PRSS12: variants seen among roughly 807,000 people sequenced by gnomAD.
The protein encoded by PRSS12 is neurotrypsin.
In PRSS12, 85 loss-of-function variants were observed where a neutral mutation model predicts 104.4. That is an observed-to-expected ratio of 0.81 (90% CI 0.68 to 0.98). The LOEUF (loss-of-function observed/expected upper bound fraction) is 0.98. Ranked by LOEUF, PRSS12 falls within the 50% of genes least tolerant of loss-of-function variation. The pLI, the probability that PRSS12 is intolerant of heterozygous loss-of-function variation, is 0.00. For missense variants in PRSS12, 1,141 were observed against 1,139.2 expected, an observed-to-expected ratio of 1.00 and a Z score of -0.02; for synonymous variants, 454 against 425.2, an observed-to-expected ratio of 1.07 and a Z score of -0.83.
rs577646258 is a variant in PRSS12 at position 118,287,307 on chromosome 4, A to G, written c.2040-4196T>C. ...ACCACAAGTGCATGCCACCATGCTC[A>G]CTAATTTTCAAAAATTATTTTTTGT... is the stretch of plus-strand genomic sequence containing the variant. On this transcript the variant is annotated intron_variant, in intron 11 of 12. Coordinates refer to ENST00000296498, the MANE Select transcript of PRSS12 (RefSeq NM_003619.4). Among the ~76,000 whole-genome samples, 5 of 152,234 alleles carry G rather than the reference A, an allele frequency of 3.3e-5. No individual in the cohort carries two copies. In the East Asian group the frequency reaches 9.7e-4, roughly 29 times the overall value.
At chr4:118,307,204 A>T (rs977318378) in intron 8 of PRSS12, among the ~76,000 whole-genome samples, 15 of 152,130 alleles carry the variant, frequency 9.9e-5, no homozygotes, top group Non-Finnish European at 2.1e-4. Context: ...AAAATTGAAA[A>T]TTTATATCAC....
chr4:118,285,358 TC>T (rs1742990030), intron 11 of PRSS12, among the ~76,000 whole-genome samples: 1 of 152,222 alleles, frequency 6.6e-6, no homozygotes, highest in African/African-American at 2.4e-5. Context: ...ACTTCTACTT[TC>T]TGTGTGCTAG....
intron 8 of PRSS12, 69 bp from the exon 9 acceptor site, chr4:118,299,007 T>C: frequency 6.7e-7 from 1 of 1,481,696 alleles, no homozygotes. Flanking sequence ...TCACAACATG[T>C]ATTCAATTTT....
chr4:118,350,985 CTTTG>C (rs1459947001), intron 1 of PRSS12, among the ~76,000 whole-genome samples: 3 of 152,166 alleles, frequency 2.0e-5, no homozygotes, highest in South Asian at 2.1e-4. Flanking sequence ...TGCTAGCACT[CTTTG>C]TTTGACATCA....
chr4:118,293,574 A>T (rs961156852), intron 11 of PRSS12, among the ~76,000 whole-genome samples: 3 of 152,334 alleles, frequency 2.0e-5, no homozygotes, highest in Non-Finnish European at 4.4e-5. Context: ...CCAAAAATTT[A>T]AAAAATCAAT....
At chr4:118,348,617 T>C (rs1051206191) in intron 1 of PRSS12, among the ~76,000 whole-genome samples, 1 of 151,860 alleles carries the variant, frequency 6.6e-6, no homozygotes, top group South Asian at 2.1e-4. Context: ...ACCAGCTCCC[T>C]GGGCTGATTC....
chr4:118,332,724 G>T (rs1330138142), intron 3 of PRSS12, among the ~76,000 whole-genome samples: 1 of 152,098 alleles, frequency 6.6e-6, no homozygotes, highest in Non-Finnish European at 1.5e-5. Flanking sequence ...GTATACAGAG[G>T]CATATAATAA....
chr4:118,313,529 T>A lies in PRSS12; in HGVS notation c.1293-132A>T, dbSNP rs192149220. 692 of 969,438 alleles carry A rather than the reference T, an allele frequency of 7.1e-4. 16 individuals are homozygous for A. In the Admixed American group the frequency reaches 0.013, roughly 18 times the overall value. The allele number at this position is 969,438 out of a possible 1,614,324, so 60.1% of individuals were successfully genotyped here. A position where few individuals can be genotyped will look rare whatever the true frequency, so the allele number is the denominator to read the frequency against. ...ATAAGTATCTGTTCTTTCTCCTACC[T>A]TGGGGACGCAGTTTAGAGCTATGTT... On this transcript the variant is annotated intron_variant, in intron 6 of 12. Coordinates refer to ENST00000296498, the MANE Select transcript of PRSS12 (RefSeq NM_003619.4).
chr4:118,344,325 AC>A (rs1724296642), intron 1 of PRSS12, among the ~76,000 whole-genome samples: 1 of 152,132 alleles, frequency 6.6e-6, no homozygotes, highest in African/African-American at 2.4e-5. Context: ...CCTGAAAACA[AC>A]TGAATTGGGG....
chr4:118,325,073 C>T (rs1422978258), intron 4 of PRSS12, among the ~76,000 whole-genome samples: 1 of 152,026 alleles, frequency 6.6e-6, no homozygotes, highest in Admixed American at 6.6e-5. Context: ...TTATCTAATC[C>T]ACCATTGATG....
chr4:118,290,820 C>T (rs572802358), intron 11 of PRSS12, among the ~76,000 whole-genome samples: 1 of 152,156 alleles, frequency 6.6e-6, no homozygotes, highest in Non-Finnish European at 1.5e-5. Flanking sequence ...TGATTTCTAA[C>T]AGTCTCTCTA....
intron 5 of PRSS12, among the ~76,000 whole-genome samples, chr4:118,317,609 A>G (rs1723479521): frequency 6.6e-6 from 1 of 152,180 alleles, no homozygotes; most frequent in South Asian, 2.1e-4. Flanking sequence ...GCGTAAATAC[A>G]TTTCTATGGT....
chr4:118,284,771 A>G (rs1427759415), intron 11 of PRSS12, among the ~76,000 whole-genome samples: 2 of 152,150 alleles, frequency 1.3e-5, no homozygotes, highest in Non-Finnish European at 2.9e-5. Flanking sequence ...TTACCTGCCA[A>G]AACTCCAGCC....
intron 12 of PRSS12, 121 bp downstream of exon 12, chr4:118,282,710 T>C: frequency 7.1e-7 from 1 of 1,414,824 alleles, no homozygotes; most frequent in Non-Finnish European, 9.9e-7. Flanking sequence ...CATTTCACAC[T>C]AAGCAAAATT....
Position 118,335,485 on chromosome 4 carries a change from T to C in PRSS12, c.808A>G (p.Ser270Gly). 1 of 1,613,976 alleles carries C rather than the reference T, an allele frequency of 6.2e-7. No homozygotes were observed. The highest frequency in any genetic ancestry group is 8.5e-7 in the Non-Finnish European group (1 of 1,179,934). The change falls in exon 3 of 13, where the codon AGC (serine) becomes GGC (glycine). Residue 270 changes from serine (S) to glycine (G), a missense_variant. Transcript: ENST00000296498. ...PQKMAAAVTC[S>G]FSHGPTFPII... The stretch of plus-strand genomic sequence containing the variant: ...TTCTTTTTTTTACCATGGGAAAAGC[T>C]ACACGTGACAGCAGCTGCCATCTTC...
rs777754826 is a variant in PRSS12, at chr4:118,316,281, C to A, written c.1193G>T (p.Gly398Val). 1 of 1,614,064 alleles carries A rather than the reference C, an allele frequency of 6.2e-7. No homozygotes were observed. The change falls in exon 6 of 13, where the codon GGT (glycine) becomes GTT (valine). Residue 398 changes from glycine to valine, a missense_variant. By Grantham distance (109) the Gly-to-Val change is moderately radical. Coordinates refer to ENST00000296498, the MANE Select transcript of PRSS12 (RefSeq NM_003619.4). ...GCCTCTGTAATATACCTCCAAGCGA[C>A]CCTCATGGCTGCCTTTCCCACCTGC... ...RLAGGKGSHE[G>V]RLEVYYRGQW...
chr4:118,352,143 G>C (rs1317167926), intron 1 of PRSS12, 76 bp downstream of exon 1: 25 of 1,579,452 alleles, frequency 1.6e-5, no homozygotes, highest in Non-Finnish European at 2.1e-5. Flanking sequence ...TTTTCCAAGA[G>C]ACCTGTACGC....
At position 118,316,837 on chromosome 4, in the gene PRSS12, A is replaced by AAAAAAATATATATAT. The variant is rs35698159; in HGVS notation, c.1151-515_1151-514insATATATATATTTTTT. The stretch of plus-strand genomic sequence containing the variant: ...ACTCCGTCTCACGGAAAAAAAAAAA[A>AAAAAAATATATATAT]ATATATATATATATATATATCTTTC... On this transcript the variant is annotated intron_variant, in intron 5 of 12. Transcript: ENST00000296498. Among the ~76,000 whole-genome samples the AAAAAAATATATATAT allele has an allele frequency of 3.1e-3, 304 of 99,156 alleles. 1 individual carries two copies. Among genetic ancestry groups the AAAAAAATATATATAT allele is most frequent in the Non-Finnish European group, 4.9e-3 (239 of 49,248 alleles). The allele number at this position is 99,156 out of a possible 152,430, so 65.1% of individuals were successfully genotyped here. A position where few individuals can be genotyped will look rare whatever the true frequency, so the allele number is the denominator to read the frequency against.
chr4:118,338,093 C>G (rs1472409040), intron 2 of PRSS12, 83 bp downstream of exon 2: 6 of 1,551,028 alleles, frequency 3.9e-6, no homozygotes, highest in Non-Finnish European at 5.3e-6. Context: ...AACAAAGATA[C>G]AAGCTTTACA....
Sources: allele counts gnomAD v4.1 joint callset (sites outside exome capture counted in the v4.1 genomes callset), GRCh38; gene constraint gnomAD v4.1.1; transcripts MANE v1.5; gene names NCBI Gene and HGNC (gene_info 2026-07-23, HGNC 2026-07-21).